PTPRD: variants seen among roughly 807,000 people sequenced by gnomAD.
PTPRD encodes protein tyrosine phosphatase receptor type D.
In PTPRD, 34 loss-of-function variants were observed where a neutral mutation model predicts 214.5. That is an observed-to-expected ratio of 0.16 (90% CI 0.12 to 0.21). The LOEUF (loss-of-function observed/expected upper bound fraction) is 0.21, where lower values mean the gene tolerates loss of function less well. PTPRD is among the 10% of genes least tolerant of loss of function. The pLI is 1.00. For missense variants in PTPRD, 2,545 were observed against 2,398.7 expected (o/e 1.06, Z -1.27); for synonymous variants, 1,128 against 845.7 (o/e 1.33, Z -5.79).
intron 2 of PTPRD, among the ~76,000 whole-genome samples, chr9:10,548,610 C>G (rs1399186640): frequency 6.6e-6 from 1 of 151,448 alleles, no homozygotes; most frequent in African/African-American, 2.5e-5. Context: ...CTCCTGGAAT[C>G]ACACAGAGGA....
intron 44 of PTPRD, among the ~76,000 whole-genome samples, chr9:8,322,406 C>T (rs1453268339): frequency 1.3e-5 from 2 of 152,194 alleles, no homozygotes; most frequent in Non-Finnish European, 2.9e-5. Flanking sequence ...CCAGTGAACA[C>T]ATGAATGATA....
chr9:10,280,043 A>G (rs979106828), intron 3 of PTPRD, among the ~76,000 whole-genome samples: 10 of 152,182 alleles, frequency 6.6e-5, no homozygotes, highest in Admixed American at 5.2e-4. Context: ...TACATTCTGT[A>G]CTTAATATAA....
At chr9:8,545,988 T>C (rs550459990) in intron 14 of PTPRD, among the ~76,000 whole-genome samples, 2 of 152,182 alleles carry the variant, frequency 1.3e-5, no homozygotes, top group Non-Finnish European at 2.9e-5. Context: ...GCACATAATA[T>C]CACCAACCTC....
chr9:9,936,990 C>T (rs1396278115), intron 5 of PTPRD, among the ~76,000 whole-genome samples: 3 of 151,594 alleles, frequency 2.0e-5, no homozygotes, highest in East Asian at 3.9e-4. Context: ...AAACCAAACC[C>T]CACATATTCT....
At chr9:9,745,760 C>T (rs1317297478) in intron 6 of PTPRD, among the ~76,000 whole-genome samples, 1 of 152,092 alleles carries the variant, frequency 6.6e-6, no homozygotes, top group Admixed American at 6.6e-5. Flanking sequence ...TCTAGCTACA[C>T]AGGACATATT....
At chr9:9,264,825 A>C (rs1208745796) in intron 9 of PTPRD, among the ~76,000 whole-genome samples, 1 of 151,368 alleles carries the variant, frequency 6.6e-6, no homozygotes, top group Non-Finnish European at 1.5e-5. Context: ...CCTCCATGAG[A>C]TTATCAGCCG....
chr9:10,523,534 G>A (rs1428135294), intron 2 of PTPRD, among the ~76,000 whole-genome samples: 1 of 144,126 alleles, frequency 6.9e-6, no homozygotes, highest in East Asian at 2.1e-4. Flanking sequence ...TAAACAAGCA[G>A]GTAGAACTGT....
chr9:9,545,386 G>A (rs2078549002), intron 8 of PTPRD, among the ~76,000 whole-genome samples: 1 of 151,712 alleles, frequency 6.6e-6, no homozygotes. Flanking sequence ...ATGTCATATA[G>A]TTTGAATCAT....
intron 4 of PTPRD, among the ~76,000 whole-genome samples, chr9:10,007,519 G>C (rs1414110831): frequency 6.6e-6 from 1 of 151,980 alleles, no homozygotes; most frequent in Non-Finnish European, 1.5e-5. Context: ...TGTTTGGATG[G>C]TTTGGGCACT....
At chr9:10,187,737 G>C (rs2099344686) in intron 3 of PTPRD, among the ~76,000 whole-genome samples, 1 of 152,114 alleles carries the variant, frequency 6.6e-6, no homozygotes, top group Non-Finnish European at 1.5e-5. Context: ...TGCTTTCATG[G>C]GTTATTCTGC....
intron 3 of PTPRD, among the ~76,000 whole-genome samples, chr9:10,162,688 TGTATATATATACATATACAC>T (rs959157867): frequency 1.5e-4 from 22 of 147,064 alleles, no homozygotes; most frequent in African/African-American, 4.2e-4. Context: ...TGTATATATG[TGTATATATATACATATACAC>T]GTATATATAT....
chr9:10,168,926 C>T (rs1183593283), intron 3 of PTPRD, among the ~76,000 whole-genome samples: 1 of 152,162 alleles, frequency 6.6e-6, no homozygotes, highest in East Asian at 1.9e-4. Context: ...GTTTGTTTCC[C>T]TCTAATATTT....
intron 11 of PTPRD, among the ~76,000 whole-genome samples, chr9:8,800,262 T>A (rs2096544547): frequency 6.6e-6 from 1 of 152,068 alleles, no homozygotes; most frequent in Non-Finnish European, 1.5e-5. Context: ...AACACGTGAT[T>A]CTATTTGACA....
intron 9 of PTPRD, among the ~76,000 whole-genome samples, chr9:9,184,283 C>T (rs961021090): frequency 2.0e-5 from 3 of 152,050 alleles, no homozygotes; most frequent in African/African-American, 7.2e-5. Context: ...AAAACATTTC[C>T]CTTTTCCTTC....
chr9:8,571,074 C>A (rs1267623943), intron 14 of PTPRD, among the ~76,000 whole-genome samples: 1 of 151,988 alleles, frequency 6.6e-6, no homozygotes, highest in Non-Finnish European at 1.5e-5. Flanking sequence ...GCAAAGTACT[C>A]CTGCTCACGA....
At chr9:10,557,018 A>G (rs2131357819) in intron 2 of PTPRD, among the ~76,000 whole-genome samples, 1 of 152,282 alleles carries the variant, frequency 6.6e-6, no homozygotes, top group Admixed American at 6.5e-5. Context: ...CTGTATGGTT[A>G]TATTACTTAT....
At chr9:10,390,292 A>C (rs1027865356) in intron 2 of PTPRD, among the ~76,000 whole-genome samples, 2 of 151,830 alleles carry the variant, frequency 1.3e-5, no homozygotes, top group Non-Finnish European at 2.9e-5. Flanking sequence ...TGCTTTCACC[A>C]CATCACCTCC....
intron 14 of PTPRD, among the ~76,000 whole-genome samples, chr9:8,548,878 GA>G (rs2081139184): frequency 6.6e-6 from 1 of 151,620 alleles, no homozygotes; most frequent in African/African-American, 2.4e-5. Flanking sequence ...ATTTTTAGTA[GA>G]GACGGGGTTT....
chr9:9,068,479 A>T (rs141385108), intron 10 of PTPRD, among the ~76,000 whole-genome samples: 1,668 of 152,108 alleles, frequency 0.011, 26 homozygotes, highest in South Asian at 0.066. Flanking sequence ...CAATCTTTGG[A>T]TTTCTTTTAG....
Sources: gnomAD v4.1 joint callset for allele counts (sites outside exome capture counted in the v4.1 genomes callset) on GRCh38, gnomAD v4.1.1 for gene constraint, MANE v1.5 for transcripts, NCBI Gene and HGNC (gene_info 2026-07-23, HGNC 2026-07-21) for gene names.